Variants in GATAD2B observed in about 807,000 individuals in gnomAD.
GATAD2B encodes the protein transcriptional repressor p66-beta.
In GATAD2B, 8 loss-of-function variants were observed where a neutral mutation model predicts 64.3. The ratio of observed to expected loss-of-function variants is 0.12; its 90% CI spans 0.07 to 0.22. GATAD2B has a LOEUF of 0.22. GATAD2B is among the 10% of genes least tolerant of loss of function. The probability of loss-of-function intolerance (pLI) is 1.00; values close to 1 mark genes in which losing one functional copy is unlikely to be tolerated. For missense variants in GATAD2B, 453 were observed against 752.0 expected (o/e 0.60, Z 4.65); for synonymous variants, 281 against 271.3 (o/e 1.04, Z -0.35).
chr1:153,885,653 G>A (rs1295413549), intron 1 of GATAD2B, among the ~76,000 whole-genome samples: 1 of 151,964 alleles, frequency 6.6e-6, no homozygotes, highest in East Asian at 1.9e-4. Context: ...GGATCACGAG[G>A]AGATTGAGAC....
intron 1 of GATAD2B, among the ~76,000 whole-genome samples, chr1:153,912,654 T>C (rs997804289): frequency 1.4e-4 from 21 of 152,310 alleles, no homozygotes; most frequent in East Asian, 7.7e-4. Context: ...TAAAGAGTGA[T>C]TGGAAAACCA....
chr1:153,900,489 T>A (rs1188893067), intron 1 of GATAD2B, among the ~76,000 whole-genome samples: 2 of 152,094 alleles, frequency 1.3e-5, no homozygotes, highest in African/African-American at 4.8e-5. Context: ...AGAATTCACC[T>A]ACATCACAGA....
At chr1:153,881,863 G>A (rs574654805) in intron 1 of GATAD2B, among the ~76,000 whole-genome samples, 12 of 151,926 alleles carry the variant, frequency 7.9e-5, no homozygotes, top group Middle Eastern at 3.4e-3. Flanking sequence ...CTTTTCTACC[G>A]TAAGAGAAGC....
intron 1 of GATAD2B, among the ~76,000 whole-genome samples, chr1:153,876,043 A>G (rs1676816047): frequency 6.6e-6 from 1 of 151,714 alleles, no homozygotes; most frequent in Non-Finnish European, 1.5e-5. Flanking sequence ...CGTGGCCAAT[A>G]TGGTGAAACC....
intron 1 of GATAD2B, among the ~76,000 whole-genome samples, chr1:153,896,433 CTTT>C (rs35275252): frequency 3.9e-4 from 45 of 115,954 alleles, no homozygotes; most frequent in Admixed American, 7.4e-4. Context: ...GTAAAATTTT[CTTT>C]TTTTTTTTTT....
chr1:153,907,881 T>C (rs1157623039), intron 1 of GATAD2B, among the ~76,000 whole-genome samples: 2 of 152,150 alleles, frequency 1.3e-5, no homozygotes, highest in Non-Finnish European at 2.9e-5. Context: ...CTCGGCTCAT[T>C]GCAACCTCCG....
chr1:153,819,130 G>A (rs944355989), intron 3 of GATAD2B, among the ~76,000 whole-genome samples: 4 of 152,220 alleles, frequency 2.6e-5, no homozygotes, highest in African/African-American at 9.6e-5. Flanking sequence ...TTAAAGGACA[G>A]ACCACGTATA....
At chr1:153,862,813 C>T (rs1271063747) in intron 1 of GATAD2B, among the ~76,000 whole-genome samples, 1 of 151,466 alleles carries the variant, frequency 6.6e-6, no homozygotes, top group Non-Finnish European at 1.5e-5. Flanking sequence ...CAACCTCCAC[C>T]TCCCGGGTTC....
intron 1 of GATAD2B, among the ~76,000 whole-genome samples, chr1:153,897,314 C>T (rs1677627866): frequency 6.6e-6 from 1 of 152,146 alleles, no homozygotes; most frequent in Non-Finnish European, 1.5e-5. Flanking sequence ...CAGGCGTGAG[C>T]CACTGCGCCT....
chr1:153,905,301 C>T (rs1320423713), intron 1 of GATAD2B, among the ~76,000 whole-genome samples: 1 of 151,660 alleles, frequency 6.6e-6, no homozygotes, highest in Non-Finnish European at 1.5e-5. Flanking sequence ...CTCTTGGACC[C>T]GGGAGGTGGA....
chr1:153,908,603 G>A (rs372285988), intron 1 of GATAD2B, among the ~76,000 whole-genome samples: 89 of 150,158 alleles, frequency 5.9e-4, no homozygotes, highest in Middle Eastern at 3.6e-3. Context: ...CCAGTAGCTG[G>A]GATTAGAAGC....
chr1:153,905,340 G>A (rs539903439), intron 1 of GATAD2B, among the ~76,000 whole-genome samples: 26 of 151,802 alleles, frequency 1.7e-4, no homozygotes, highest in Middle Eastern at 3.4e-3. Flanking sequence ...TCACGCCACC[G>A]CACTCCAGCC....
intron 1 of GATAD2B, among the ~76,000 whole-genome samples, chr1:153,897,449 T>C (rs772502055): frequency 2.6e-5 from 4 of 152,176 alleles, no homozygotes; most frequent in Non-Finnish European, 4.4e-5. Flanking sequence ...TTATGCAAGA[T>C]TGGGATATGT....
intron 1 of GATAD2B, among the ~76,000 whole-genome samples, chr1:153,859,450 A>C (rs1676200118): frequency 6.6e-6 from 1 of 151,486 alleles, no homozygotes; most frequent in Non-Finnish European, 1.5e-5. Flanking sequence ...TGGGTGGATC[A>C]CCTGAGGTCA....
chr1:153,916,507 T>C (rs1212677724), intron 1 of GATAD2B, among the ~76,000 whole-genome samples: 1 of 152,184 alleles, frequency 6.6e-6, no homozygotes, highest in Admixed American at 6.5e-5. Flanking sequence ...TTGGAAATGT[T>C]GAGTTTGAGT....
chr1:153,811,958 C>T (rs2101875119), intron 9 of GATAD2B, 64 bp downstream of exon 9: 2 of 1,307,872 alleles, frequency 1.5e-6, no homozygotes, highest in South Asian at 1.2e-5. Context: ...ATAGAAAGGA[C>T]AAATTGTGAT....
chr1:153,904,686 C>A (rs1047481716), intron 1 of GATAD2B, among the ~76,000 whole-genome samples: 1 of 151,928 alleles, frequency 6.6e-6, no homozygotes, highest in Non-Finnish European at 1.5e-5. Context: ...GGACTATAGG[C>A]GTGTGCCACC....
chr1:153,904,658 C>T (rs1677872678), intron 1 of GATAD2B, among the ~76,000 whole-genome samples: 1 of 152,060 alleles, frequency 6.6e-6, no homozygotes, highest in African/African-American at 2.4e-5. Flanking sequence ...TCTCCTGTTT[C>T]AGTTTCCCAA....
intron 1 of GATAD2B, among the ~76,000 whole-genome samples, chr1:153,897,692 A>G (rs964755924): frequency 6.6e-6 from 1 of 152,336 alleles, no homozygotes; most frequent in Middle Eastern, 3.4e-3. Flanking sequence ...TCTTCTAAAA[A>G]TATCAACTAT....
Sources: allele counts gnomAD v4.1 joint callset (sites outside exome capture counted in the v4.1 genomes callset), GRCh38; gene constraint gnomAD v4.1.1; transcripts MANE v1.5; gene names NCBI Gene and HGNC (gene_info 2026-07-23, HGNC 2026-07-21).